The following POMC variants were observed in gnomAD, a reference collection of about 807,000 sequenced individuals.
POMC encodes the protein pro-opiomelanocortin.
POMC carries 19 observed loss-of-function variants against 18.5 expected under a neutral mutation model. That is an observed-to-expected ratio of 1.03 (90% CI 0.72 to 1.51). The LOEUF is 1.51. POMC is among the 40% of genes most tolerant of loss of function. POMC has a pLI of 0.00. For synonymous variants in POMC, 179 were observed against 161.9 expected, an observed-to-expected ratio of 1.11 and a Z score of -0.80; for missense variants, 451 against 379.0, an observed-to-expected ratio of 1.19 and a Z score of -1.58.
intron 2 of POMC, among the ~76,000 whole-genome samples, chr2:25,163,978 A>AACAC (rs144710976): frequency 4.0e-5 from 6 of 149,654 alleles, no homozygotes; most frequent in Non-Finnish European, 7.4e-5. Flanking sequence ...TATGCCCCCC[A>AACAC]ACACACACAC....
At position 25,164,757 on chromosome 2, in the gene POMC, A is replaced by G. The variant is rs761447218; in HGVS notation, c.16T>C (p.Cys6Arg). The G allele has an allele frequency of 6.2e-7, 1 of 1,614,014 alleles. No individual in the cohort carries two copies. Among genetic ancestry groups the G allele is most frequent in the Non-Finnish European group, 8.5e-7 (1 of 1,180,046 alleles). Residue 6 changes from cysteine (C) to arginine (R), a missense_variant, in exon 2 of 3, where the codon TGC becomes CGC. Coordinates refer to ENST00000395826, the MANE Select transcript of POMC (RefSeq NM_000939.4). ...AGCAACAGGGCCCCCGAGCGGCTGCAGCACGATCTCGGCATCTTCCAGGCA... is the reference window on the plus strand; with the variant it reads ...AGCAACAGGGCCCCCGAGCGGCTGCGGCACGATCTCGGCATCTTCCAGGCA... MPRSC[C>R]SRSGALLLAL...
chr2:25,162,418 C>A (rs1255717002), intron 2 of POMC, among the ~76,000 whole-genome samples: 1 of 151,996 alleles, frequency 6.6e-6, no homozygotes, highest in Non-Finnish European at 1.5e-5. Flanking sequence ...CCACTGCACT[C>A]CACACTCCAG....
chr2:25,163,618 G>GGTTT (rs989523561), intron 2 of POMC, among the ~76,000 whole-genome samples: 15 of 152,112 alleles, frequency 9.9e-5, no homozygotes, highest in Admixed American at 2.0e-4. Flanking sequence ...ACAGTATGGG[G>GGTTT]GTTTGTTTGT....
At chr2:25,163,413 C>T (rs1239112766) in intron 2 of POMC, among the ~76,000 whole-genome samples, 1 of 152,238 alleles carries the variant, frequency 6.6e-6, no homozygotes. Flanking sequence ...CTGGAACTCA[C>T]AGAATCCCCT....
intron 1 of POMC, chr2:25,165,731 G>A (rs1573254988): frequency 6.6e-6 from 1 of 152,158 alleles, no homozygotes; most frequent in Non-Finnish European, 1.5e-5. Flanking sequence ...CAGTAAGGAG[G>A]GGGCATCCAT....
chr2:25,163,907 G>A (rs1671470234), intron 2 of POMC, among the ~76,000 whole-genome samples: 1 of 152,152 alleles, frequency 6.6e-6, no homozygotes, highest in Non-Finnish European at 1.5e-5. Flanking sequence ...TTACAGCCAT[G>A]AGCCATCTCG....
At chr2:25,163,326 GAC>G (rs1230836871) in intron 2 of POMC, among the ~76,000 whole-genome samples, 1 of 152,244 alleles carries the variant, frequency 6.6e-6, no homozygotes, top group African/African-American at 2.4e-5. Context: ...CATGGGTCCT[GAC>G]TGTGTCCAGT....
Position 25,161,699 on chromosome 2 carries a change from C to A in POMC, c.186G>T (p.Pro62=), listed in dbSNP as rs765522434. 16 of 1,586,768 alleles carry A rather than the reference C, an allele frequency of 1.0e-5. No homozygotes were observed. The East Asian group carries it at 3.7e-4, about 37-fold the overall frequency. Residue 62 remains proline (P), a synonymous_variant, in exon 3 of 3, where the codon CCG becomes CCT. Coordinates refer to ENST00000395826, the MANE Select transcript of POMC (RefSeq NM_000939.4). The surrounding 1 kb of genome is among the most constrained non-coding windows in gnomAD (Gnocchi z 5.7). ...TCAGAGGCTGCTCGTCGCCATTTCC[C>A]GGGAACATGGGAGTCTCGGCCGAGA... ...PDLSAETPMF[P]GNGDEQPLTE...
At position 25,163,035 on chromosome 2, in the gene POMC, T is replaced by C. The variant is rs536551231; in HGVS notation, c.133-1283A>G. Among the ~76,000 whole-genome samples the C allele has an allele frequency of 2.0e-5, 3 of 152,354 alleles. No individual in the cohort carries two copies. The East Asian group carries it at 5.8e-4, about 29-fold the overall frequency. ...GTACATATTAGCTTAGGAAAATGGCTGCATAGGCTGCAGCCTTGAGTTTTC... is the reference window on the plus strand; with the variant it reads ...GTACATATTAGCTTAGGAAAATGGCCGCATAGGCTGCAGCCTTGAGTTTTC... On this transcript the variant is annotated intron_variant, in intron 2 of 2. Coordinates refer to ENST00000395826, the MANE Select transcript of POMC (RefSeq NM_000939.4).
Position 25,161,037 on chromosome 2 carries a change from G to A in POMC, c.*44C>T, listed in dbSNP as rs1671329083. On this transcript the variant is annotated 3_prime_UTR_variant, in exon 3 of 3. Coordinates refer to ENST00000395826, the MANE Select transcript of POMC (RefSeq NM_000939.4). This position sits in a 1 kb window ranked among gnomAD's most constrained non-coding sequence, Gnocchi z 5.7. ...GCAGGGGAGAGCAAGGGGCTTTGGGGTCGACCTCCTGGGGGAGGGTAGCCC... is the reference window on the plus strand; with the variant it reads ...GCAGGGGAGAGCAAGGGGCTTTGGGATCGACCTCCTGGGGGAGGGTAGCCC... 6.2e-7 allele frequency: 1 copy of A among 1,613,010 alleles called. No homozygotes were observed. Among genetic ancestry groups the A allele is most frequent in the Non-Finnish European group, 8.5e-7 (1 of 1,179,820 alleles).
chr2:25,161,687 G>A lies in POMC; in HGVS notation c.198C>T (p.Asp66=). 1 of 1,578,688 alleles carries A rather than the reference G, an allele frequency of 6.3e-7. No homozygotes were observed. Among genetic ancestry groups the A allele is most frequent in the Non-Finnish European group, 8.6e-7 (1 of 1,163,276 alleles). ...GGGGGTTCTCGGTCAGAGGCTGCTCGTCGCCATTTCCCGGGAACATGGGAG... is the reference window on the plus strand; with the variant it reads ...GGGGGTTCTCGGTCAGAGGCTGCTCATCGCCATTTCCCGGGAACATGGGAG... ...AETPMFPGNG[D]EQPLTENPRK... is the part of the protein sequence containing the mutation. Residue 66 remains aspartate (D), a synonymous_variant, in exon 3 of 3, where the codon GAC becomes GAT. Coordinates refer to ENST00000395826, the MANE Select transcript of POMC (RefSeq NM_000939.4). The surrounding 1 kb of genome is among the most constrained non-coding windows in gnomAD (Gnocchi z 5.7).
In POMC at chr2:25,161,817, C is replaced by T. The variant is rs928388008; in HGVS notation, c.133-65G>A. Reference sequence around the variant, plus strand: ...CGCACCCCGGCCCGGCTGCCGCGCCCGTCACTGCGCCTAGGCCCTGGCCGC... The same window carrying T: ...CGCACCCCGGCCCGGCTGCCGCGCCTGTCACTGCGCCTAGGCCCTGGCCGC... On this transcript the variant is annotated intron_variant, in intron 2 of 2. Transcript: ENST00000395826. This position sits in a 1 kb window ranked among gnomAD's most constrained non-coding sequence, Gnocchi z 5.7. 7 of 1,513,804 alleles carry T rather than the reference C, an allele frequency of 4.6e-6. No individual in the cohort carries two copies. Among genetic ancestry groups the T allele is most frequent in the African/African-American group, 1.4e-5 (1 of 71,224 alleles). The allele number at this position is 1,513,804 out of a possible 1,614,324, so 93.8% of individuals were successfully genotyped here.
rs892233509 is a variant in POMC at position 25,164,962 on chromosome 2, A to G, written c.-20-170T>C. ...AGGAGGTGTGCAGTACAGCGGTGGT[A>G]TAAGTTGTGATAAGGAGGAGGGAAT... On this transcript the variant is annotated intron_variant, in intron 1 of 2. Coordinates refer to ENST00000395826, the MANE Select transcript of POMC (RefSeq NM_000939.4). 5.1e-6 allele frequency: 3 copies of G among 588,534 alleles called. No homozygotes were observed. The African/African-American group carries it at 7.7e-5, about 15-fold the overall frequency. The allele number at this position is 588,534 out of a possible 1,614,324, so 36.5% of individuals were successfully genotyped here. A position where few individuals can be genotyped will look rare whatever the true frequency, so the allele number is the denominator to read the frequency against.
chr2:25,166,355 A>G (rs934778), intron 1 of POMC, among the ~76,000 whole-genome samples: 33,964 of 152,252 alleles, frequency 0.22, 4,608 homozygotes, highest in Non-Finnish European at 0.31. Flanking sequence ...GTACCCTGCC[A>G]GTGATCTATT....
Position 25,161,687 on chromosome 2 carries a change from G to C in POMC, c.198C>G (p.Asp66Glu), listed in dbSNP as rs762336368. ...AETPMFPGNG[D>E]EQPLTENPRK... is the part of the protein sequence containing the mutation. Reference sequence around the variant, plus strand: ...GGGGGTTCTCGGTCAGAGGCTGCTCGTCGCCATTTCCCGGGAACATGGGAG... The same window carrying C: ...GGGGGTTCTCGGTCAGAGGCTGCTCCTCGCCATTTCCCGGGAACATGGGAG... Residue 66 changes from aspartate to glutamate, a missense_variant, in exon 3 of 3, where the codon GAC (aspartate) becomes GAG (glutamate). By Grantham distance (45) the Asp-to-Glu change is conservative. Transcript: ENST00000395826. This position sits in a 1 kb window ranked among gnomAD's most constrained non-coding sequence, Gnocchi z 5.7. 7.0e-6 allele frequency: 11 copies of C among 1,578,576 alleles called. No homozygotes were observed. In the African/African-American group the frequency reaches 1.5e-4, roughly 21 times the overall value.
In POMC at chr2:25,161,634, C is replaced by T. The variant is rs781244602; in HGVS notation, c.251G>A (p.Trp84Ter). The change falls in exon 3 of 3, where the codon TGG becomes TAG. Residue 84 changes from tryptophan to a stop codon, truncating the protein, a stop_gained. Transcript: ENST00000395826. LOFTEE classifies it high-confidence loss of function. The surrounding 1 kb of genome is among the most constrained non-coding windows in gnomAD (Gnocchi z 5.7). ...GCTGTTGCGGCGGCCGAATCGGTCC[C>T]AGCGGAAGTGGCCCATGACGTACTT... ...PRKYVMGHFR[W>*]DRFGRRNSSS... The T allele has an allele frequency of 9.0e-6, 14 of 1,553,504 alleles. No homozygotes were observed. The highest frequency in any genetic ancestry group is 1.2e-5 in the Non-Finnish European group (14 of 1,148,988).
At position 25,161,223 on chromosome 2, in the gene POMC, T is replaced by C. The variant is rs149540566; in HGVS notation, c.662A>G (p.Tyr221Cys). The C allele has an allele frequency of 1.7e-3, 2,670 of 1,613,272 alleles. 7 individuals carry two copies. Among genetic ancestry groups the C allele is most frequent in the Non-Finnish European group, 2.1e-3 (2,518 of 1,179,824 alleles). Residue 221 changes from tyrosine to cysteine, a missense_variant, in exon 3 of 3, where the codon TAC becomes TGC. By Grantham distance (194) the Tyr-to-Cys change is radical. Transcript: ENST00000395826. The surrounding 1 kb of genome is among the most constrained non-coding windows in gnomAD (Gnocchi z 5.7). The stretch of plus-strand genomic sequence containing the variant: ...GCCCCAGCGGAAGTGCTCCATCCTG[T>C]AGGGGCCCTCGTCCTTCTTCTCGGC... ...VAAEKKDEGP[Y>C]RMEHFRWGSP...
intron 1 of POMC, among the ~76,000 whole-genome samples, chr2:25,167,875 C>CG (rs1671609170): frequency 6.6e-6 from 1 of 152,148 alleles, no homozygotes; most frequent in East Asian, 1.9e-4. Context: ...CCGGGCTGGC[C>CG]GGGGGCGGTG....
intron 1 of POMC, among the ~76,000 whole-genome samples, chr2:25,167,076 C>T (rs1247880806): frequency 6.6e-6 from 1 of 152,170 alleles, no homozygotes; most frequent in African/African-American, 2.4e-5. Flanking sequence ...GAGGGGCTCT[C>T]TATGAGCTCA....
Sources: gnomAD v4.1 joint callset for allele counts (sites outside exome capture counted in the v4.1 genomes callset) on GRCh38, gnomAD v4.1.1 for gene constraint, Gnocchi (gnomAD v3.1) non-coding constraint, MANE v1.5 for transcripts, NCBI Gene and HGNC (gene_info 2026-07-23, HGNC 2026-07-21) for gene names.